Variants in KIN observed in about 807,000 individuals in gnomAD.
KIN encodes the protein DNA/RNA-binding protein KIN17.
A neutral mutation model predicts 63.0 loss-of-function variants in KIN; 47 were observed. The ratio of observed to expected loss-of-function variants is 0.75; its 90% CI spans 0.59 to 0.95. The LOEUF is 0.95. Ranked by LOEUF, KIN falls within the 40% of genes least tolerant of loss-of-function variation. The probability of loss-of-function intolerance (pLI) is 0.00; values close to 1 mark genes in which losing one functional copy is unlikely to be tolerated. For synonymous variants in KIN, 160 were observed against 157.7 expected (o/e 1.01, Z -0.11); for missense variants, 408 against 460.9 (o/e 0.89, Z 1.05).
chr10:7,767,006 G>A (rs1277035391), intron 8 of KIN, among the ~76,000 whole-genome samples: 1 of 148,054 alleles, frequency 6.8e-6, no homozygotes, highest in Non-Finnish European at 1.5e-5. Flanking sequence ...CTGGGCCACA[G>A]AGTGACACTC....
intron 6 of KIN, 55 bp from the exon 7 acceptor site, chr10:7,774,946 C>A: frequency 1.5e-6 from 2 of 1,294,480 alleles, no homozygotes; most frequent in Non-Finnish European, 2.2e-6. Context: ...CATAATAAAA[C>A]TTCTCAGATA....
intron 7 of KIN, among the ~76,000 whole-genome samples, chr10:7,770,674 T>A (rs1564319389): frequency 6.6e-6 from 1 of 152,188 alleles, no homozygotes; most frequent in Non-Finnish European, 1.5e-5. Flanking sequence ...ATCAAATGAC[T>A]TTTACCCATC....
chr10:7,787,729 C>A, intron 1 of KIN, 91 bp downstream of exon 1: 1 of 1,003,688 alleles, frequency 1.0e-6, no homozygotes, highest in South Asian at 1.3e-5. Context: ...CCGGGAGCCC[C>A]AGCCCCGCGC....
Position 7,753,258 on chromosome 10 carries a change from C to A in KIN, c.*2822G>T, listed in dbSNP as rs1210115733. On this transcript the variant is annotated 3_prime_UTR_variant, in exon 13 of 13. Coordinates refer to ENST00000379562, the MANE Select transcript of KIN (RefSeq NM_012311.4). ...TTGAATTTAACCTCAAGTATGCTGC[C>A]TCATTTCATTCTGAAATAATTTCAG... The A allele has an allele frequency of 6.6e-6, 1 of 152,102 alleles. No individual in the cohort carries two copies. The highest frequency in any genetic ancestry group is 2.4e-5 in the African/African-American group (1 of 41,424). The allele number at this position is 152,102 out of a possible 1,614,324, so 9.4% of individuals were successfully genotyped here. A position where few individuals can be genotyped will look rare whatever the true frequency, so the allele number is the denominator to read the frequency against.
chr10:7,776,546 C>T (rs79758136), intron 5 of KIN, among the ~76,000 whole-genome samples: 20,385 of 150,642 alleles, frequency 0.14, 1,561 homozygotes, highest in South Asian at 0.28. Context: ...GCCTGGCCAA[C>T]TTGGTGAAAC....
At chr10:7,787,559 G>T (rs1455029443) in intron 1 of KIN, among the ~76,000 whole-genome samples, 1 of 152,198 alleles carries the variant, frequency 6.6e-6, no homozygotes, top group Non-Finnish European at 1.5e-5. Context: ...AACCTTTTCT[G>T]ATTTCATTTC....
At chr10:7,757,602 T>C (rs549454583) in intron 12 of KIN, among the ~76,000 whole-genome samples, 106 of 152,158 alleles carry the variant, frequency 7.0e-4, no homozygotes, top group South Asian at 4.8e-3. Context: ...ATGATGACAA[T>C]AATGATGATG....
intron 4 of KIN, 39 bp downstream of exon 4, chr10:7,780,017 A>C (rs1835864519): frequency 6.3e-7 from 1 of 1,594,520 alleles, no homozygotes; most frequent in East Asian, 2.2e-5. Context: ...GAAGATTAGA[A>C]GTGGGAAAGA....
At chr10:7,758,716 A>G (rs1411398689) in intron 12 of KIN, among the ~76,000 whole-genome samples, 1 of 152,084 alleles carries the variant, frequency 6.6e-6, no homozygotes, top group East Asian at 1.9e-4. Context: ...AAGGATAAGC[A>G]AGTTGTCAAG....
intron 2 of KIN, among the ~76,000 whole-genome samples, chr10:7,782,299 T>C (rs1301024700): frequency 2.0e-5 from 3 of 152,106 alleles, no homozygotes; most frequent in Non-Finnish European, 4.4e-5. Flanking sequence ...GAATTGAATA[T>C]AGGCACTCTT....
chr10:7,764,601 A>AG (rs1189500884), intron 9 of KIN, among the ~76,000 whole-genome samples: 1 of 152,204 alleles, frequency 6.6e-6, no homozygotes, highest in Non-Finnish European at 1.5e-5. Context: ...CTTTGGGGAG[A>AG]GGGTATTTAA....
chr10:7,778,242 G>A (rs1218711776), intron 5 of KIN, among the ~76,000 whole-genome samples: 1 of 152,134 alleles, frequency 6.6e-6, no homozygotes. Flanking sequence ...AATTATCTGT[G>A]TATATGTCTT....
chr10:7,763,118 C>T (rs1464743366), intron 10 of KIN, among the ~76,000 whole-genome samples: 20 of 151,966 alleles, frequency 1.3e-4, no homozygotes, highest in African/African-American at 4.3e-4. Context: ...TAGCCAGGTG[C>T]GGTGGTGGCC....
At chr10:7,762,415 T>C in intron 11 of KIN, 42 bp downstream of exon 11, 1 of 1,145,378 alleles carries the variant, frequency 8.7e-7, no homozygotes, top group Non-Finnish European at 1.3e-6. Flanking sequence ...GAACCGCTCA[T>C]TTTGATGGCA....
At position 7,754,372 on chromosome 10, in the gene KIN, T is replaced by C. The variant is rs1835291082; in HGVS notation, c.*1708A>G. ...AAAAAAAAAGAGGCGTAGTGGCTCA[T>C]GCCTGTAATCCCAGCACTTTGGGAG... On this transcript the variant is annotated 3_prime_UTR_variant, in exon 13 of 13. Transcript: ENST00000379562. The C allele has an allele frequency of 7.7e-6, 2 of 260,168 alleles. No individual in the cohort carries two copies. The highest frequency in any genetic ancestry group is 1.5e-3 in the Middle Eastern group (1 of 680). 16.1% of individuals were successfully genotyped at this position (260,168 alleles called of 1,614,324 possible). A position where few individuals can be genotyped will look rare whatever the true frequency, so the allele number is the denominator to read the frequency against.
At chr10:7,758,510 T>C (rs988447074) in intron 12 of KIN, among the ~76,000 whole-genome samples, 3 of 152,182 alleles carry the variant, frequency 2.0e-5, no homozygotes, top group South Asian at 2.1e-4. Flanking sequence ...AAATTAGTTT[T>C]TGATGAATGG....
At chr10:7,758,213 G>A (rs1466371594) in intron 12 of KIN, among the ~76,000 whole-genome samples, 2 of 152,092 alleles carry the variant, frequency 1.3e-5, no homozygotes, top group East Asian at 3.9e-4. Context: ...GGGACTTCAG[G>A]CATTTGCCAC....
In KIN at chr10:7,752,751, AC is replaced by A. The variant is rs565938835; in HGVS notation, c.*3328del. Reference sequence around the variant, plus strand: ...CTAAAATGAAGTGCGCTATCGAGCCACAAAAACCTAACCAAAACAACATGGA... The same window carrying A: ...CTAAAATGAAGTGCGCTATCGAGCCAAAAAACCTAACCAAAACAACATGGA... On this transcript the variant is annotated 3_prime_UTR_variant, in exon 13 of 13. Coordinates refer to ENST00000379562, the MANE Select transcript of KIN (RefSeq NM_012311.4). 51 of 152,356 alleles carry A rather than the reference AC, an allele frequency of 3.3e-4. No homozygotes were observed. Among genetic ancestry groups the A allele is most frequent in the African/African-American group, 1.1e-3 (46 of 41,588 alleles). The allele number at this position is 152,356 out of a possible 1,614,324, so 9.4% of individuals were successfully genotyped here. A position where few individuals can be genotyped will look rare whatever the true frequency, so the allele number is the denominator to read the frequency against.
rs145926599 is a variant in KIN at position 7,779,534 on chromosome 10, G to A, written c.377-515C>T. 2.5e-3 allele frequency among the ~76,000 whole-genome samples: 373 copies of A among 152,232 alleles called. 3 individuals carry two copies. Among genetic ancestry groups the A allele is most frequent in the African/African-American group, 8.6e-3 (356 of 41,554 alleles). On this transcript the variant is annotated intron_variant, in intron 4 of 12. Coordinates refer to ENST00000379562, the MANE Select transcript of KIN (RefSeq NM_012311.4). ...ATACTGTATGTGAATTCAACCAACC[G>A]TGGGTGAGAAATATTCAAAAAAAGA...
Sources: gnomAD v4.1 joint callset for allele counts (sites outside exome capture counted in the v4.1 genomes callset) on GRCh38, gnomAD v4.1.1 for gene constraint, MANE v1.5 for transcripts, NCBI Gene and HGNC (gene_info 2026-07-23, HGNC 2026-07-21) for gene names.